Variants in CENPK observed in about 807,000 individuals in gnomAD.
The protein encoded by CENPK is SoxLZ/Sox6-binding protein Solt.
In CENPK, 46 loss-of-function variants were observed where a neutral mutation model predicts 40.9. The ratio of observed to expected loss-of-function variants is 1.13; its 90% CI spans 0.89 to 1.44. CENPK has a LOEUF of 1.44. CENPK is among the 40% of genes most tolerant of loss of function. The pLI is 0.00. For synonymous variants in CENPK, 107 were observed against 104.4 expected, an observed-to-expected ratio of 1.02 and a Z score of -0.15; for missense variants, 288 against 303.5, an observed-to-expected ratio of 0.95 and a Z score of 0.38.
intron 6 of CENPK, among the ~76,000 whole-genome samples, chr5:65,531,443 A>G (rs1447941842): frequency 6.6e-6 from 1 of 151,958 alleles, no homozygotes; most frequent in Non-Finnish European, 1.5e-5. Flanking sequence ...TTGACATGCA[A>G]CATCAAGATT....
At chr5:65,504,608 C>T in the CENPK span, among the ~76,000 whole-genome samples, 24 of 151,846 alleles carry the variant, frequency 1.6e-4, no homozygotes, top group Non-Finnish European at 3.4e-4. Flanking sequence ...TTTTTTTTCC[C>T]ACTATGAATA....
Position 65,554,836 on chromosome 5 carries a change from A to G in CENPK, c.72T>C (p.Leu24=), listed in dbSNP as rs201745679. Residue 24 remains leucine (L), a synonymous_variant, in exon 3 of 11, where the codon CTT becomes CTC. Transcript: ENST00000396679. ...VGDVTNTEEE[L]IRECEEMWKD... is the part of the protein sequence containing the mutation. ...TCCACATTTCTTCACATTCTCTAAT[A>G]AGTTCTTCTTCAGTATTTGTAACAT... 1.8e-5 allele frequency: 29 copies of G among 1,601,152 alleles called. No individual in the cohort carries two copies. Among genetic ancestry groups the G allele is most frequent in the Middle Eastern group, 1.7e-4 (1 of 6,050 alleles).
intron 5 of CENPK, among the ~76,000 whole-genome samples, chr5:65,544,167 C>T (rs1009146199): frequency 1.3e-5 from 2 of 152,158 alleles, no homozygotes. Context: ...TTGCTCTCTG[C>T]TTCCAAGATG....
At position 65,518,569 on chromosome 5, in the gene CENPK, C is replaced by T. The variant is rs1489193688; in HGVS notation, c.716G>A (p.Trp239Ter). 3 of 1,609,914 alleles carry T rather than the reference C, an allele frequency of 1.9e-6. No individual in the cohort carries two copies. Among genetic ancestry groups the T allele is most frequent in the African/African-American group, 2.7e-5 (2 of 74,750 alleles). Residue 239 changes from tryptophan to a stop codon, truncating the protein, a stop_gained, in exon 11 of 11, where the codon TGG becomes TAG. Coordinates refer to ENST00000396679, the MANE Select transcript of CENPK (RefSeq NM_022145.5). LOFTEE classifies it high-confidence loss of function. ...DPYVKISDSF[W>*]PPYVELLLRN... ...CAGCAGCAGCTCAACATAAGGTGGC[C>T]AAAAGGAATCACTAATTTTGACATA...
intron 6 of CENPK, among the ~76,000 whole-genome samples, chr5:65,539,738 G>A (rs1172388626): frequency 1.3e-5 from 2 of 152,230 alleles, no homozygotes; most frequent in South Asian, 2.1e-4. Context: ...CCTGGACTGA[G>A]GTCATAAGCT....
intron 3 of CENPK, 120 bp downstream of exon 3, chr5:65,554,677 A>G: frequency 1.5e-6 from 1 of 654,074 alleles, no homozygotes; most frequent in Non-Finnish European, 2.7e-6. Context: ...AGCTATATAA[A>G]TATTTATCAT....
chr5:65,497,288 A>C, the CENPK span, among the ~76,000 whole-genome samples: 1 of 151,948 alleles, frequency 6.6e-6, no homozygotes, highest in Non-Finnish European at 1.5e-5. Context: ...GAATCGCTTG[A>C]ACCCGGGAGA....
At chr5:65,557,107 C>A (rs971755412) in intron 2 of CENPK, among the ~76,000 whole-genome samples, 1 of 152,130 alleles carries the variant, frequency 6.6e-6, no homozygotes, top group Admixed American at 6.5e-5. Flanking sequence ...TAAGAACCAA[C>A]TGAATAGTCT....
At chr5:65,527,683 T>C (rs1210038341) in intron 9 of CENPK, among the ~76,000 whole-genome samples, 1 of 151,752 alleles carries the variant, frequency 6.6e-6, no homozygotes, top group Non-Finnish European at 1.5e-5. Flanking sequence ...TTAAACATCA[T>C]TCTTTTGATT....
At chr5:65,501,568 C>T in the CENPK span, among the ~76,000 whole-genome samples, 7 of 149,972 alleles carry the variant, frequency 4.7e-5, no homozygotes, top group African/African-American at 1.7e-4. Context: ...GTACCCTGGA[C>T]ATTTTGGTTA....
At chr5:65,522,093 A>C (rs545550158) in intron 9 of CENPK, among the ~76,000 whole-genome samples, 1 of 152,234 alleles carries the variant, frequency 6.6e-6, no homozygotes, top group Non-Finnish European at 1.5e-5. Flanking sequence ...AAAACTATCC[A>C]TAAGCATATA....
chr5:65,527,091 G>A (rs1313767348), intron 9 of CENPK, among the ~76,000 whole-genome samples: 3 of 151,276 alleles, frequency 2.0e-5, no homozygotes, highest in South Asian at 2.1e-4. Flanking sequence ...AGCAAAACTC[G>A]GTCCCCAAAA....
At chr5:65,549,423 AAG>A (rs1001131355) in intron 5 of CENPK, among the ~76,000 whole-genome samples, 5 of 152,208 alleles carry the variant, frequency 3.3e-5, no homozygotes, top group Admixed American at 2.6e-4. Context: ...AGTCCTTATC[AAG>A]AGAGTCAACC....
At chr5:65,503,550 T>C in the CENPK span, among the ~76,000 whole-genome samples, 1 of 152,252 alleles carries the variant, frequency 6.6e-6, no homozygotes, top group South Asian at 2.1e-4. Context: ...TAAAGATGTC[T>C]TCTTTTTCTA....
chr5:65,528,377 G>A, intron 9 of CENPK, 75 bp downstream of exon 9: 2 of 1,388,698 alleles, frequency 1.4e-6, no homozygotes, highest in Non-Finnish European at 1.9e-6. Context: ...AACTAAATAA[G>A]AAAATATGCT....
At chr5:65,548,973 T>C (rs1749497742) in intron 5 of CENPK, among the ~76,000 whole-genome samples, 1 of 152,200 alleles carries the variant, frequency 6.6e-6, no homozygotes. Flanking sequence ...GAATGGGGGA[T>C]ACTTTCCAGA....
chr5:65,531,405 C>CTT (rs35716247), intron 6 of CENPK, among the ~76,000 whole-genome samples: 35 of 143,090 alleles, frequency 2.4e-4, no homozygotes, highest in South Asian at 4.4e-4. Context: ...CAAAATTTGT[C>CTT]TTTTTTTTTT....
intron 5 of CENPK, among the ~76,000 whole-genome samples, chr5:65,545,021 T>C (rs1045409223): frequency 2.0e-5 from 3 of 152,272 alleles, no homozygotes; most frequent in Admixed American, 1.3e-4. Context: ...GTAAATTTTA[T>C]ATTTTACCAC....
intron 2 of CENPK, among the ~76,000 whole-genome samples, chr5:65,559,716 T>A (rs1751634790): frequency 6.7e-6 from 1 of 149,966 alleles, no homozygotes; most frequent in South Asian, 2.1e-4. Context: ...TGGGAGGACA[T>A]ACCCTACACT....
Sources: allele counts gnomAD v4.1 joint callset (sites outside exome capture counted in the v4.1 genomes callset), GRCh38; gene constraint gnomAD v4.1.1; transcripts MANE v1.5; gene names NCBI Gene and HGNC (gene_info 2026-07-23, HGNC 2026-07-21).